TTC33: variants seen among roughly 807,000 people sequenced by gnomAD.
TTC33 encodes the protein tetratricopeptide repeat domain 33, also known as tetratricopeptide repeat protein 33.
A neutral mutation model predicts 29.4 loss-of-function variants in TTC33; 24 were observed. The observed-to-expected ratio is 0.82, with a 90% CI of 0.59 to 1.15. The LOEUF is 1.15. Ranked by LOEUF, TTC33 falls within the 50% of genes most tolerant of loss-of-function variation. The pLI, the probability that TTC33 is intolerant of heterozygous loss-of-function variation, is 0.00. For missense variants in TTC33, 286 were observed against 310.4 expected (o/e 0.92, Z 0.59); for synonymous variants, 107 against 100.3 (o/e 1.07, Z -0.40).
At chr5:40,741,379 C>A (rs1224044389) in intron 2 of TTC33, among the ~76,000 whole-genome samples, 1 of 152,190 alleles carries the variant, frequency 6.6e-6, no homozygotes, top group Non-Finnish European at 1.5e-5. Flanking sequence ...ATGGCTGAAG[C>A]TTGAATAGCT....
rs1742766792 is a variant in TTC33, at chr5:40,745,134, A to C, written c.221+1664T>G. Among the ~76,000 whole-genome samples, 4 of 152,232 alleles carry C rather than the reference A, an allele frequency of 2.6e-5. No individual in the cohort carries two copies. The South Asian group carries it at 8.3e-4, about 31-fold the overall frequency. On this transcript the variant is annotated intron_variant, in intron 2 of 4. Coordinates refer to ENST00000337702, the MANE Select transcript of TTC33 (RefSeq NM_012382.3). ...TAAAAGTAGAAAACCCAAGGATGCC[A>C]AAAGACACTAAAGAGACATAATAAC...
chr5:40,716,402 G>A lies in TTC33; in HGVS notation c.532C>T (p.Gln178Ter), dbSNP rs776913276. Residue 178 changes from glutamine to a stop codon, truncating the protein, a stop_gained, in exon 5 of 5, where the codon CAG (glutamine) becomes TAG (stop). Coordinates refer to ENST00000337702, the MANE Select transcript of TTC33 (RefSeq NM_012382.3). LOFTEE classifies it high-confidence loss of function. ...LSWARTLQEQ[Q>*]KVAQRIKKSE... ...TTTTTAATCCTCTGTGCTACCTTCTGCTGCTCCTGGAGCGTTCTTGCCCAA... is the reference window on the plus strand; with the variant it reads ...TTTTTAATCCTCTGTGCTACCTTCTACTGCTCCTGGAGCGTTCTTGCCCAA... 8.1e-6 allele frequency: 13 copies of A among 1,613,798 alleles called. No individual in the cohort carries two copies. The highest frequency in any genetic ancestry group is 2.7e-5 in the African/African-American group (2 of 74,910).
rs188752528 is a variant in TTC33 at position 40,740,650 on chromosome 5, C to T, written c.221+6148G>A. ...CCAATGAGGGACAACTCTGACTTGA[C>T]GACTATCCAAGGTATTGTCCAACTT... On this transcript the variant is annotated intron_variant, in intron 2 of 4. Transcript: ENST00000337702. Among the ~76,000 whole-genome samples the T allele has an allele frequency of 1.3e-3, 193 of 152,288 alleles. 2 individuals are homozygous for T. Among genetic ancestry groups the T allele is most frequent in the Non-Finnish European group, 2.4e-3 (166 of 68,026 alleles).
rs1449725400 is a variant in TTC33 at position 40,716,323 on chromosome 5, T to TA, written c.610dup (p.Tyr204LeufsTer2). ...AACAATCTCATCACTTTCAAAGTCA[T>TA]AGTCTGGAATTGACTTTGGTGAAAA... On this transcript the variant is annotated frameshift_variant, in exon 5 of 5. Coordinates refer to ENST00000337702, the MANE Select transcript of TTC33 (RefSeq NM_012382.3). LOFTEE classifies it high-confidence loss of function. The TA allele has an allele frequency of 6.2e-7, 1 of 1,614,222 alleles. No individual in the cohort carries two copies. Among genetic ancestry groups the TA allele is most frequent in the Admixed American group, 1.7e-5 (1 of 60,030 alleles).
In TTC33 at chr5:40,750,319, T is replaced by C. The variant is rs192040265; in HGVS notation, c.-1-3300A>G. Among the ~76,000 whole-genome samples the C allele has an allele frequency of 4.6e-5, 7 of 152,172 alleles. No homozygotes were observed. In the East Asian group the frequency reaches 1.4e-3, roughly 30 times the overall value. ...GCATGTTGGCTCACGCCTGTAATCC[T>C]AGCACTTTGTGAGGCTAAGGCAGGT... On this transcript the variant is annotated intron_variant, in intron 1 of 4. Coordinates refer to ENST00000337702, the MANE Select transcript of TTC33 (RefSeq NM_012382.3).
intron 2 of TTC33, among the ~76,000 whole-genome samples, chr5:40,733,232 T>G (rs967075385): frequency 6.6e-6 from 1 of 152,046 alleles, no homozygotes; most frequent in African/African-American, 2.4e-5. Flanking sequence ...ATGTTTGAGG[T>G]TTCAGGAGTC....
At chr5:40,736,957 G>A (rs1742565299) in intron 2 of TTC33, among the ~76,000 whole-genome samples, 1 of 152,080 alleles carries the variant, frequency 6.6e-6, no homozygotes, top group African/African-American at 2.4e-5. Context: ...CCAGATTTTT[G>A]TTAAAAAGAA....
intron 2 of TTC33, among the ~76,000 whole-genome samples, chr5:40,742,567 T>A (rs982154373): frequency 1.3e-5 from 2 of 152,186 alleles, no homozygotes; most frequent in African/African-American, 4.8e-5. Flanking sequence ...AATCACTGTA[T>A]TGTAAAATCT....
intron 2 of TTC33, among the ~76,000 whole-genome samples, chr5:40,737,977 T>G (rs1164397258): frequency 2.6e-5 from 4 of 152,252 alleles, no homozygotes; most frequent in African/African-American, 9.6e-5. Context: ...ATTTAGGTTG[T>G]CCCAGTTCAT....
chr5:40,755,935 C>T lies in TTC33; in HGVS notation c.-113G>A, dbSNP rs1742978133. ...AAGACGACTCAGTCTTTCCCCTCCG[C>T]CAATCTCTTCTCCGGGACCACAAAT... On this transcript the variant is annotated 5_prime_UTR_variant, in exon 1 of 5. Coordinates refer to ENST00000337702, the MANE Select transcript of TTC33 (RefSeq NM_012382.3). 6.6e-6 allele frequency: 1 copy of T among 152,438 alleles called. No individual in the cohort carries two copies. The highest frequency in any genetic ancestry group is 2.4e-5 in the African/African-American group (1 of 41,466). The allele number at this position is 152,438 out of a possible 1,614,324, so 9.4% of individuals were successfully genotyped here.
intron 4 of TTC33, among the ~76,000 whole-genome samples, chr5:40,722,329 C>G (rs1038373869): frequency 2.6e-5 from 4 of 152,184 alleles, no homozygotes; most frequent in African/African-American, 9.6e-5. Context: ...GGCCGCCACC[C>G]CGTCTAGGAA....
chr5:40,741,111 G>A (rs1290680367), intron 2 of TTC33, among the ~76,000 whole-genome samples: 1 of 152,036 alleles, frequency 6.6e-6, no homozygotes, highest in African/African-American at 2.4e-5. Flanking sequence ...CCAACTCTTT[G>A]GCATGTCCAG....
rs1741951101 is a variant in TTC33 at position 40,714,109 on chromosome 5, T to G, written c.*2036A>C. On this transcript the variant is annotated 3_prime_UTR_variant, in exon 5 of 5. Coordinates refer to ENST00000337702, the MANE Select transcript of TTC33 (RefSeq NM_012382.3). ...ACTAGGTTCTTATAACAGGGCCTAG[T>G]GGCCACATGCATTCCATCCTGAGTC... is the stretch of plus-strand genomic sequence containing the variant. Among the ~76,000 whole-genome samples the G allele has an allele frequency of 6.6e-6, 1 of 152,224 alleles. No individual in the cohort carries two copies. The highest frequency in any genetic ancestry group is 1.9e-4 in the East Asian group (1 of 5,198).
At chr5:40,741,869 A>C (rs925267341) in intron 2 of TTC33, among the ~76,000 whole-genome samples, 4 of 152,058 alleles carry the variant, frequency 2.6e-5, no homozygotes, top group Admixed American at 6.5e-5. Flanking sequence ...CACACCTGTA[A>C]TCCCAGCTAC....
chr5:40,716,094 C>T lies in TTC33; in HGVS notation c.*51G>A. The T allele has an allele frequency of 6.9e-7, 1 of 1,447,862 alleles. No homozygotes were observed. Among genetic ancestry groups the T allele is most frequent in the Admixed American group, 2.3e-5 (1 of 42,828 alleles). 89.7% of individuals were successfully genotyped at this position (1,447,862 alleles called of 1,614,324 possible). On this transcript the variant is annotated 3_prime_UTR_variant, in exon 5 of 5. Transcript: ENST00000337702. ...CAGAGTAAATGTCTCTATGTCAAAA[C>T]TTCAAGAGGCAATCAAAAAGACAGA...
At chr5:40,726,036 C>T (rs6897169) in intron 4 of TTC33, among the ~76,000 whole-genome samples, 36,351 of 151,428 alleles carry the variant, frequency 0.24, 4,972 homozygotes, top group East Asian at 0.53. Flanking sequence ...CCGCCCGCCT[C>T]GGCCTCCCAA....
chr5:40,736,184 A>G (rs1742546421), intron 2 of TTC33, among the ~76,000 whole-genome samples: 1 of 152,224 alleles, frequency 6.6e-6, no homozygotes, highest in East Asian at 1.9e-4. Flanking sequence ...ATAGGCACAA[A>G]TACAGTAAGG....
Position 40,712,488 on chromosome 5 carries a change from T to G in TTC33, c.*3657A>C, listed in dbSNP as rs1741916244. Among the ~76,000 whole-genome samples the G allele has an allele frequency of 6.6e-6, 1 of 152,134 alleles. No homozygotes were observed. The highest frequency in any genetic ancestry group is 1.5e-5 in the Non-Finnish European group (1 of 68,010). ...TGCTGAAAAAGGCTAGGTTAGAGGATGTACTTTAAGTTTATGCCAACAATA... is the reference window on the plus strand; with the variant it reads ...TGCTGAAAAAGGCTAGGTTAGAGGAGGTACTTTAAGTTTATGCCAACAATA... On this transcript the variant is annotated 3_prime_UTR_variant, in exon 5 of 5. Transcript: ENST00000337702.
At chr5:40,741,314 C>A (rs1742688815) in intron 2 of TTC33, among the ~76,000 whole-genome samples, 1 of 152,106 alleles carries the variant, frequency 6.6e-6, no homozygotes, top group South Asian at 2.1e-4. Context: ...TAAGAAATAA[C>A]CCCCTGTGAC....
Sources: gnomAD v4.1 joint callset for allele counts (sites outside exome capture counted in the v4.1 genomes callset) on GRCh38, gnomAD v4.1.1 for gene constraint, MANE v1.5 for transcripts, NCBI Gene and HGNC (gene_info 2026-07-23, HGNC 2026-07-21) for gene names.